NFIX: variants seen among roughly 807,000 people sequenced by gnomAD.
The protein encoded by NFIX is nuclear factor I X.
NFIX carries 2 observed loss-of-function variants against 53.3 expected under a neutral mutation model. The observed-to-expected ratio is 0.04, with a 90% confidence interval of 0.02 to 0.12. The LOEUF (loss-of-function observed/expected upper bound fraction) is 0.12. NFIX is among the 10% of genes least tolerant of loss of function. The pLI is 1.00. For synonymous variants in NFIX, 244 were observed against 289.0 expected (o/e 0.84, Z 1.58); for missense variants, 310 against 674.5 (o/e 0.46, Z 5.99).
rs1048769751 is a variant in NFIX at position 13,036,226 on chromosome 19, C to T, written c.559+10674C>T. Among the ~76,000 whole-genome samples the T allele has an allele frequency of 6.6e-6, 1 of 152,212 alleles. No individual in the cohort carries two copies. Among genetic ancestry groups the T allele is most frequent in the African/African-American group, 2.4e-5 (1 of 41,450 alleles). The stretch of plus-strand genomic sequence containing the variant: ...GGCTCTCCTTCGTGTGGAGTAGACC[C>T]TTCGCCAACTGGCCTGGCGTGTCCG... On this transcript the variant is annotated intron_variant, in intron 2 of 10. Coordinates refer to ENST00000592199, the MANE Select transcript of NFIX (RefSeq NM_001365902.3). The surrounding 1 kb of genome is among the most constrained non-coding windows in gnomAD (Gnocchi z 4.7).
intron 6 of NFIX, among the ~76,000 whole-genome samples, chr19:13,076,227 C>T (rs780944714): frequency 3.9e-5 from 6 of 152,170 alleles, no homozygotes; most frequent in Admixed American, 6.5e-5. Context: ...CTCAAGGGCC[C>T]AGCTTCACAG....
chr19:13,005,124 C>A lies in NFIX; in HGVS notation c.27+9260C>A, dbSNP rs2011946095. Among the ~76,000 whole-genome samples, 1 of 152,188 alleles carries A rather than the reference C, an allele frequency of 6.6e-6. No individual in the cohort carries two copies. The highest frequency in any genetic ancestry group is 1.5e-5 in the Non-Finnish European group (1 of 68,038). ...GAGCCACTGTGCCTGGCCAACAAAGCTAAGTTCTGAGACTCCTGTCCTCCG... is the reference window on the plus strand; with the variant it reads ...GAGCCACTGTGCCTGGCCAACAAAGATAAGTTCTGAGACTCCTGTCCTCCG... On this transcript the variant is annotated intron_variant, in intron 1 of 10. Coordinates refer to ENST00000592199, the MANE Select transcript of NFIX (RefSeq NM_001365902.3). The surrounding 1 kb of genome is among the most constrained non-coding windows in gnomAD (Gnocchi z 4.7).
At chr19:13,056,591 G>T (rs2015709707) in intron 2 of NFIX, among the ~76,000 whole-genome samples, 1 of 152,156 alleles carries the variant, frequency 6.6e-6, no homozygotes, top group Non-Finnish European at 1.5e-5. Flanking sequence ...CTGGAGTGGG[G>T]TGGGACCCTC....
At chr19:13,092,910 T>G (rs377153543) in intron 10 of NFIX, among the ~76,000 whole-genome samples, 1 of 152,234 alleles carries the variant, frequency 6.6e-6, no homozygotes, top group Non-Finnish European at 1.5e-5. Flanking sequence ...CCGGTTGGAC[T>G]TGGGGCAGGT....
intron 5 of NFIX, 93 bp from the exon 6 acceptor site, chr19:13,075,442 C>A: frequency 7.2e-7 from 1 of 1,383,046 alleles, no homozygotes; most frequent in African/African-American, 1.4e-5. Flanking sequence ...ACCCAGAGGG[C>A]CATCTATGCA....
chr19:13,017,124 C>T (rs1156593727), intron 1 of NFIX, among the ~76,000 whole-genome samples: 2 of 152,032 alleles, frequency 1.3e-5, no homozygotes, highest in African/African-American at 4.8e-5. Context: ...GGAGACTTCC[C>T]GTGCAAACAG....
In NFIX at chr19:13,078,974, C is replaced by T. The variant is rs1253078432; in HGVS notation, c.1078+239C>T. Among the ~76,000 whole-genome samples, 1 of 152,192 alleles carries T rather than the reference C, an allele frequency of 6.6e-6. No homozygotes were observed. Among genetic ancestry groups the T allele is most frequent in the African/African-American group, 2.4e-5 (1 of 41,450 alleles). The stretch of plus-strand genomic sequence containing the variant: ...GGCTCCTGAGCAACCTCCCACTTCT[C>T]ACTCCTCACGTGCATGGGTGCTACA... On this transcript the variant is annotated intron_variant, in intron 7 of 10. Coordinates refer to ENST00000592199, the MANE Select transcript of NFIX (RefSeq NM_001365902.3). The surrounding 1 kb of genome is among the most constrained non-coding windows in gnomAD (Gnocchi z 4.7).
chr19:13,076,581 G>A (rs1434578372), intron 6 of NFIX, among the ~76,000 whole-genome samples: 1 of 152,202 alleles, frequency 6.6e-6, no homozygotes, highest in South Asian at 2.1e-4. Context: ...GCCTGGGAGT[G>A]CAGACTCACG....
intron 2 of NFIX, among the ~76,000 whole-genome samples, chr19:13,048,395 T>G (rs1377078099): frequency 2.0e-5 from 3 of 152,014 alleles, no homozygotes; most frequent in Admixed American, 6.5e-5. Context: ...ACAACCAGAC[T>G]AACCACAGGC....
chr19:13,073,552 A>C lies in NFIX; in HGVS notation c.697+56A>C. The stretch of plus-strand genomic sequence containing the variant: ...TGGGGATTGAAAGTGAGGAGGTGGG[A>C]CCTCATGGGATGTCCTCCTAATGGG... On this transcript the variant is annotated intron_variant, in intron 4 of 10. Coordinates refer to ENST00000592199, the MANE Select transcript of NFIX (RefSeq NM_001365902.3). This position sits in a 1 kb window ranked among gnomAD's most constrained non-coding sequence, Gnocchi z 4.5. 1 of 1,477,686 alleles carries C rather than the reference A, an allele frequency of 6.8e-7. No individual in the cohort carries two copies. Among genetic ancestry groups the C allele is most frequent in the Non-Finnish European group, 9.5e-7 (1 of 1,056,194 alleles). The allele number at this position is 1,477,686 out of a possible 1,614,324, so 91.5% of individuals were successfully genotyped here. A position where few individuals can be genotyped will look rare whatever the true frequency, so the allele number is the denominator to read the frequency against.
Position 13,081,137 on chromosome 19 carries a change from A to G in NFIX, c.1079-543A>G, listed in dbSNP as rs76300383. Among the ~76,000 whole-genome samples the G allele has an allele frequency of 9.6e-5, 14 of 145,244 alleles. No homozygotes were observed. Among genetic ancestry groups the G allele is most frequent in the Non-Finnish European group, 1.5e-4 (10 of 65,558 alleles). On this transcript the variant is annotated intron_variant, in intron 7 of 10. Coordinates refer to ENST00000592199, the MANE Select transcript of NFIX (RefSeq NM_001365902.3). The surrounding 1 kb of genome is among the most constrained non-coding windows in gnomAD (Gnocchi z 4.7). ...CAATATGGCAAAATCTCATCTCTAG[A>G]AAAAAAAAAAAGCAAAAATCTACCA... is the stretch of plus-strand genomic sequence containing the variant.
chr19:13,010,391 C>A (rs1222174800), intron 1 of NFIX, among the ~76,000 whole-genome samples: 1 of 152,250 alleles, frequency 6.6e-6, no homozygotes, highest in Non-Finnish European at 1.5e-5. Flanking sequence ...CCCGGCAACT[C>A]GGACGTGCGC....
At chr19:13,019,103 A>T (rs1481962673) in intron 1 of NFIX, among the ~76,000 whole-genome samples, 1 of 138,282 alleles carries the variant, frequency 7.2e-6, no homozygotes, top group Non-Finnish European at 1.5e-5. Flanking sequence ...AGCCAGCAGG[A>T]TGTGGACACA....
In NFIX at chr19:13,095,251, G is replaced by GA. The variant is rs1006218399; in HGVS notation, c.*603dup. 3 of 141,872 alleles carry GA rather than the reference G, an allele frequency of 2.1e-5. No individual in the cohort carries two copies. The highest frequency in any genetic ancestry group is 7.6e-5 in the African/African-American group (3 of 39,566). 8.8% of individuals were successfully genotyped at this position (141,872 alleles called of 1,614,324 possible). On this transcript the variant is annotated 3_prime_UTR_variant, in exon 11 of 11. Transcript: ENST00000592199. ...TCTTCCCCCAGCTGCTCCCGACCAG[G>GA]AGGGGGAGAGCAGCCTCCACTTACC...
At chr19:13,092,655 G>A (rs988132419) in intron 10 of NFIX, among the ~76,000 whole-genome samples, 4 of 152,250 alleles carry the variant, frequency 2.6e-5, no homozygotes, top group Non-Finnish European at 5.9e-5. Flanking sequence ...TCAACCTCGG[G>A]GCAATGGCAC....
intron 2 of NFIX, among the ~76,000 whole-genome samples, chr19:13,047,578 C>T (rs552236358): frequency 1.8e-4 from 27 of 152,288 alleles, no homozygotes; most frequent in African/African-American, 6.0e-4. Context: ...AATTCCTCTT[C>T]GGTGCCAGAA....
rs1483053518 is a variant in NFIX at position 13,002,389 on chromosome 19, A to C, written c.27+6525A>C. On this transcript the variant is annotated intron_variant, in intron 1 of 10. Transcript: ENST00000592199. This position sits in a 1 kb window ranked among gnomAD's most constrained non-coding sequence, Gnocchi z 6.1. ...GCTCCCCAACCCCCCCTTCCTCACC[A>C]CCTCCCCCCTCCCGAGGAGCCCCTC... is the stretch of plus-strand genomic sequence containing the variant. Among the ~76,000 whole-genome samples, 1 of 146,262 alleles carries C rather than the reference A, an allele frequency of 6.8e-6. No homozygotes were observed. The highest frequency in any genetic ancestry group is 2.6e-5 in the African/African-American group (1 of 39,112).
In NFIX at chr19:13,093,364, T is replaced by A. The variant is rs1672903988; in HGVS notation, c.1495-1271T>A. ...AAAGCAATGTTTTAAATATTGGAAA[T>A]TTTCACACGAAATTCTGTTTGGGCT... is the stretch of plus-strand genomic sequence containing the variant. On this transcript the variant is annotated intron_variant, in intron 10 of 10. Coordinates refer to ENST00000592199, the MANE Select transcript of NFIX (RefSeq NM_001365902.3). The surrounding 1 kb of genome is among the most constrained non-coding windows in gnomAD (Gnocchi z 4.7). Among the ~76,000 whole-genome samples, 1 of 152,234 alleles carries A rather than the reference T, an allele frequency of 6.6e-6. No individual in the cohort carries two copies. The highest frequency in any genetic ancestry group is 1.5e-5 in the Non-Finnish European group (1 of 68,038).
chr19:13,010,830 C>A (rs544607442), intron 1 of NFIX, among the ~76,000 whole-genome samples: 1 of 152,182 alleles, frequency 6.6e-6, no homozygotes, highest in African/African-American at 2.4e-5. Flanking sequence ...CAGGTTGTTG[C>A]GGGAGCCGGC....
Sources: allele counts gnomAD v4.1 joint callset (sites outside exome capture counted in the v4.1 genomes callset), GRCh38; gene constraint gnomAD v4.1.1; non-coding constraint Gnocchi (gnomAD v3.1); transcripts MANE v1.5; gene names NCBI Gene and HGNC (gene_info 2026-07-23, HGNC 2026-07-21).